DLGAP2: variants seen among roughly 807,000 people sequenced by gnomAD.
DLGAP2 encodes disks large-associated protein 2.
In DLGAP2, 26 loss-of-function variants were observed where a neutral mutation model predicts 100.3. The ratio of observed to expected loss-of-function variants is 0.26; its 90% CI spans 0.19 to 0.36. The LOEUF is 0.36. Ranked by LOEUF, DLGAP2 falls within the 10% of genes least tolerant of loss-of-function variation. The pLI, the probability that DLGAP2 is intolerant of heterozygous loss-of-function variation, is 1.00. For missense variants in DLGAP2, 1,858 were observed against 1,453.2 expected, an observed-to-expected ratio of 1.28 and a Z score of -4.53; for synonymous variants, 886 against 630.1, an observed-to-expected ratio of 1.41 and a Z score of -6.08.
At chr8:1,156,688 C>G (rs1178050513) in intron 2 of DLGAP2, among the ~76,000 whole-genome samples, 3 of 151,962 alleles carry the variant, frequency 2.0e-5, no homozygotes, top group Non-Finnish European at 4.4e-5. Flanking sequence ...AGCCCAGCAC[C>G]CCAGCTCAGC....
intron 2 of DLGAP2, among the ~76,000 whole-genome samples, chr8:1,193,046 C>T (rs1797673587): frequency 6.6e-6 from 1 of 152,092 alleles, no homozygotes; most frequent in African/African-American, 2.4e-5. Context: ...TGTATATGTG[C>T]CACATTTTCT....
chr8:751,575 C>T (rs1019744715), intron 1 of DLGAP2, among the ~76,000 whole-genome samples: 6 of 151,812 alleles, frequency 4.0e-5, no homozygotes, highest in African/African-American at 1.4e-4. Flanking sequence ...TCATCTGACA[C>T]TTTATAGTAA....
At chr8:1,431,220 T>A (rs1797424006) in intron 3 of DLGAP2, among the ~76,000 whole-genome samples, 1 of 152,238 alleles carries the variant, frequency 6.6e-6, no homozygotes, top group Non-Finnish European at 1.5e-5. Context: ...AAAAGTTACA[T>A]TTTCTGTCAA....
At chr8:1,328,246 T>C (rs1801068128) in intron 3 of DLGAP2, among the ~76,000 whole-genome samples, 1 of 152,084 alleles carries the variant, frequency 6.6e-6, no homozygotes, top group Non-Finnish European at 1.5e-5. Context: ...TTCACCTCAT[T>C]GGCCAGGCTG....
chr8:1,458,851 T>C (rs1798392532), intron 3 of DLGAP2, among the ~76,000 whole-genome samples: 1 of 152,090 alleles, frequency 6.6e-6, no homozygotes, highest in South Asian at 2.1e-4. Context: ...GAGAGCAGGG[T>C]CGGGCGTCCC....
At chr8:819,815 C>T (rs7009879) in intron 1 of DLGAP2, among the ~76,000 whole-genome samples, 32,383 of 152,058 alleles carry the variant, frequency 0.21, 3,585 homozygotes, top group Middle Eastern at 0.34. Context: ...GTGGTGCTTG[C>T]GTGGCTGACT....
At chr8:869,804 G>A (rs1212998560) in intron 1 of DLGAP2, among the ~76,000 whole-genome samples, 3 of 152,126 alleles carry the variant, frequency 2.0e-5, no homozygotes, top group African/African-American at 7.2e-5. Flanking sequence ...TTATGGTGAC[G>A]AGTGGGCGGG....
At chr8:920,370 C>T (rs1798682886) in intron 2 of DLGAP2, among the ~76,000 whole-genome samples, 2 of 152,242 alleles carry the variant, frequency 1.3e-5, no homozygotes, top group South Asian at 4.1e-4. Context: ...TCCACATTCC[C>T]AGGTTCAAGG....
chr8:1,670,366 C>T lies in DLGAP2; in HGVS notation c.2202+582C>T, dbSNP rs548308784. 2.0e-5 allele frequency among the ~76,000 whole-genome samples: 3 copies of T among 152,358 alleles called. No homozygotes were observed. The East Asian group carries it at 5.8e-4, about 29-fold the overall frequency. On this transcript the variant is annotated intron_variant, in intron 10 of 14. Transcript: ENST00000637795. ...GTGGTCAGCCCTCTTCCGCTCCCAG[C>T]TCCCACCCCTGGCATGGCAGCCTCT...
chr8:1,064,423 G>T (rs560306605), intron 2 of DLGAP2, among the ~76,000 whole-genome samples: 5 of 152,062 alleles, frequency 3.3e-5, no homozygotes, highest in Non-Finnish European at 5.9e-5. Context: ...TATATTTGAT[G>T]GATATATAAC....
At chr8:1,445,189 T>C (rs1454282679) in intron 3 of DLGAP2, among the ~76,000 whole-genome samples, 1 of 150,100 alleles carries the variant, frequency 6.7e-6, no homozygotes, top group Non-Finnish European at 1.5e-5. Context: ...CTGCACCCAT[T>C]AACTCGTCAT....
intron 2 of DLGAP2, among the ~76,000 whole-genome samples, chr8:1,152,284 T>C (rs188675790): frequency 1.5e-4 from 23 of 152,364 alleles, no homozygotes; most frequent in African/African-American, 4.8e-4. Flanking sequence ...CTTTTGCCTT[T>C]TTATTTTGCA....
intron 1 of DLGAP2, among the ~76,000 whole-genome samples, chr8:786,061 C>T (rs2132631890): frequency 6.6e-6 from 1 of 152,352 alleles, no homozygotes. Context: ...GACCAGAGCT[C>T]GCTGCCCGCC....
chr8:1,446,818 A>C (rs2130091321), intron 3 of DLGAP2, among the ~76,000 whole-genome samples: 1 of 152,266 alleles, frequency 6.6e-6, no homozygotes, highest in East Asian at 1.9e-4. Context: ...ATCCCTTGTA[A>C]GTTGGATTCC....
intron 3 of DLGAP2, among the ~76,000 whole-genome samples, chr8:1,474,844 G>A (rs560538813): frequency 6.6e-6 from 1 of 152,218 alleles, no homozygotes; most frequent in Non-Finnish European, 1.5e-5. Context: ...AGAACTGAGA[G>A]TTGAACTACC....
At chr8:1,677,658 G>GAAAAGATGACATTAAAA (rs1289813417) in intron 11 of DLGAP2, among the ~76,000 whole-genome samples, 16 of 152,196 alleles carry the variant, frequency 1.1e-4, no homozygotes, top group African/African-American at 3.6e-4. Context: ...CAGCTATGTG[G>GAAAAGATGACATTAAAA]AAAAGATGAC....
intron 2 of DLGAP2, among the ~76,000 whole-genome samples, chr8:977,458 G>A (rs904555572): frequency 1.3e-4 from 20 of 152,166 alleles, no homozygotes; most frequent in African/African-American, 4.8e-4. Context: ...TGTGATGTGT[G>A]ACACTTTCTG....
At chr8:1,313,590 TC>T (rs1407203966) in intron 3 of DLGAP2, among the ~76,000 whole-genome samples, 1 of 152,144 alleles carries the variant, frequency 6.6e-6, no homozygotes, top group Non-Finnish European at 1.5e-5. Context: ...CCATAACACT[TC>T]CTCAGGCCAT....
intron 2 of DLGAP2, among the ~76,000 whole-genome samples, chr8:1,006,905 G>A (rs545277431): frequency 8.9e-5 from 13 of 145,484 alleles, no homozygotes; most frequent in African/African-American, 2.1e-4. Context: ...CCTTTATCAC[G>A]TCGGGGGCGC....
Sources: gnomAD v4.1 joint callset for allele counts (sites outside exome capture counted in the v4.1 genomes callset) on GRCh38, gnomAD v4.1.1 for gene constraint, MANE v1.5 for transcripts, NCBI Gene and HGNC (gene_info 2026-07-23, HGNC 2026-07-21) for gene names.